The following UBE2F variants were observed in gnomAD, a reference collection of about 807,000 sequenced individuals.
UBE2F encodes the protein ubiquitin conjugating enzyme E2 F (putative), also known as NEDD8-conjugating enzyme UBE2F.
A neutral mutation model predicts 29.6 loss-of-function variants in UBE2F; 5 were observed. That is an observed-to-expected ratio of 0.17 (90% confidence interval 0.09 to 0.36). The LOEUF is 0.36. Ranked by LOEUF, UBE2F falls within the 10% of genes least tolerant of loss-of-function variation. UBE2F has a pLI of 1.00. For missense variants in UBE2F, 141 were observed against 228.5 expected (o/e 0.62, Z 2.47); for synonymous variants, 66 against 81.8 (o/e 0.81, Z 1.04).
At chr2:238,016,675 G>A (rs1216184001) in intron 5 of UBE2F, 42 bp downstream of exon 5, 4 of 1,580,074 alleles carry the variant, frequency 2.5e-6, no homozygotes, top group Non-Finnish European at 3.4e-6. Context: ...CTTCTCGGGC[G>A]GGGCTGCCTG....
In UBE2F at chr2:237,973,159, C is replaced by G. The variant is rs764060906; in HGVS notation, c.52C>G (p.Arg18Gly). The change falls in exon 2 of 10, where the codon CGG becomes GGG. Residue 18 changes from arginine (R) to glycine (G), a missense_variant. Transcript: ENST00000272930. Reference sequence around the variant, plus strand: ...GCGTGACGATGGTCTCAAAGGGTCCCGGACGGCAGCCACAGCGTCCGACTC... The same window carrying G: ...GCGTGACGATGGTCTCAAAGGGTCCGGGACGGCAGCCACAGCGTCCGACTC... ...LKRDDGLKGS[R>G]TAATASDSTR... is the part of the protein sequence containing the mutation. 6.2e-7 allele frequency: 1 copy of G among 1,614,030 alleles called. No homozygotes were observed. The highest frequency in any genetic ancestry group is 8.5e-7 in the Non-Finnish European group (1 of 1,179,954).
intron 3 of UBE2F, chr2:237,990,377 A>G (rs1177557231): frequency 6.6e-6 from 3 of 453,328 alleles, no homozygotes; most frequent in South Asian, 4.8e-5. Flanking sequence ...CAGGCCCCCA[A>G]CTTGAGCCTG....
intron 4 of UBE2F, among the ~76,000 whole-genome samples, chr2:237,997,469 C>T (rs753718943): frequency 2.0e-5 from 3 of 152,018 alleles, no homozygotes; most frequent in Non-Finnish European, 2.9e-5. Flanking sequence ...GAAAAACTTG[C>T]TTCATATCAT....
intron 1 of UBE2F, among the ~76,000 whole-genome samples, chr2:237,969,615 T>C (rs916503308): frequency 3.3e-5 from 5 of 152,182 alleles, no homozygotes; most frequent in Non-Finnish European, 5.9e-5. Flanking sequence ...TGGTCCATTA[T>C]TGGGTGACTC....
chr2:238,042,602 G>T lies in UBE2F; in HGVS notation c.*1264G>T, dbSNP rs1205010730. The T allele has an allele frequency of 1.3e-5, 2 of 152,220 alleles. No individual in the cohort carries two copies. Among genetic ancestry groups the T allele is most frequent in the African/African-American group, 4.8e-5 (2 of 41,458 alleles). The allele number at this position is 152,220 out of a possible 1,614,324, so 9.4% of individuals were successfully genotyped here. On this transcript the variant is annotated 3_prime_UTR_variant, in exon 10 of 10. Transcript: ENST00000272930. The stretch of plus-strand genomic sequence containing the variant: ...AAATGTCTGTCTAGTTTCATTTGCT[G>T]CCTGCCTAACACTCTCAAACTTAAC...
At chr2:238,030,863 A>G (rs560817250) in intron 7 of UBE2F, among the ~76,000 whole-genome samples, 12 of 152,344 alleles carry the variant, frequency 7.9e-5, no homozygotes, top group African/African-American at 2.9e-4. Flanking sequence ...TAGGAGCCCA[A>G]ACTGCAGGCT....
At chr2:238,002,218 C>T (rs758741961) in intron 4 of UBE2F, among the ~76,000 whole-genome samples, 1 of 127,244 alleles carries the variant, frequency 7.9e-6, no homozygotes, top group Non-Finnish European at 1.7e-5. Flanking sequence ...GCATGCGCCA[C>T]CACACCCAGA....
intron 1 of UBE2F, among the ~76,000 whole-genome samples, chr2:237,968,596 C>T (rs1394357374): frequency 6.6e-6 from 1 of 152,192 alleles, no homozygotes; most frequent in African/African-American, 2.4e-5. Context: ...TGTCCCTGCA[C>T]AAGTGACATG....
intron 2 of UBE2F, among the ~76,000 whole-genome samples, chr2:237,987,257 T>G (rs1047277740): frequency 2.6e-5 from 4 of 152,276 alleles, no homozygotes; most frequent in Non-Finnish European, 4.4e-5. Flanking sequence ...GGTGTGTGTG[T>G]GGGGAAGGGC....
At chr2:238,005,562 G>A (rs2063882515) in intron 4 of UBE2F, among the ~76,000 whole-genome samples, 1 of 151,216 alleles carries the variant, frequency 6.6e-6, no homozygotes, top group African/African-American at 2.4e-5. Context: ...TCCAGTTTGA[G>A]TTAATTTTCA....
At chr2:237,997,019 C>T (rs981754234) in intron 4 of UBE2F, among the ~76,000 whole-genome samples, 4 of 152,010 alleles carry the variant, frequency 2.6e-5, no homozygotes, top group Non-Finnish European at 5.9e-5. Context: ...GTCAGGAGTT[C>T]GAGACCAGCC....
chr2:237,999,509 A>G (rs2063750980), intron 4 of UBE2F, among the ~76,000 whole-genome samples: 2 of 152,162 alleles, frequency 1.3e-5, no homozygotes, highest in Non-Finnish European at 1.5e-5. Context: ...TTAGGATGGT[A>G]GGTTTTATGT....
At chr2:238,018,421 C>T (rs907857606) in intron 5 of UBE2F, among the ~76,000 whole-genome samples, 2 of 152,114 alleles carry the variant, frequency 1.3e-5, no homozygotes, top group African/African-American at 4.8e-5. Context: ...CATCTAGGAG[C>T]AGAGCTCCTT....
At chr2:238,025,867 C>T (rs2064414850) in intron 6 of UBE2F, among the ~76,000 whole-genome samples, 1 of 152,222 alleles carries the variant, frequency 6.6e-6, no homozygotes, top group South Asian at 2.1e-4. Flanking sequence ...CCAAAATGGT[C>T]CTGATAGATG....
At chr2:237,979,100 G>T (rs2063335535) in intron 2 of UBE2F, among the ~76,000 whole-genome samples, 1 of 152,210 alleles carries the variant, frequency 6.6e-6, no homozygotes, top group African/African-American at 2.4e-5. Context: ...GCCTGTGTCA[G>T]TCTTTGTTAA....
intron 9 of UBE2F, among the ~76,000 whole-genome samples, chr2:238,036,311 C>T (rs1161326105): frequency 6.6e-6 from 1 of 152,088 alleles, no homozygotes; most frequent in African/African-American, 2.4e-5. Flanking sequence ...GTAGCTAGGA[C>T]TACAGGTGCA....
chr2:237,967,131 A>C lies in UBE2F; in HGVS notation c.-18A>C. The stretch of plus-strand genomic sequence containing the variant: ...CCGCCTCGCCTGTCTCGGGGAGCCC[A>C]GGTGAGGAGCGACCGTGCGGCTCTG... On this transcript the variant is annotated splice_region_variant and 5_prime_UTR_variant, in exon 1 of 10. Transcript: ENST00000272930. The surrounding 1 kb of genome is among the most constrained non-coding windows in gnomAD (Gnocchi z 6.3). 2.3e-6 allele frequency: 3 copies of C among 1,306,196 alleles called. No homozygotes were observed. Among genetic ancestry groups the C allele is most frequent in the South Asian group, 2.0e-5 (1 of 50,394 alleles). The allele number at this position is 1,306,196 out of a possible 1,614,324, so 80.9% of individuals were successfully genotyped here.
At chr2:238,016,477 T>G (rs1387234187) in intron 4 of UBE2F, 89 bp from the exon 5 acceptor site, 1 of 1,125,828 alleles carries the variant, frequency 8.9e-7, no homozygotes, top group Non-Finnish European at 1.3e-6. Context: ...TTCTCTGTAT[T>G]TGCCATATCC....
chr2:238,030,548 T>G lies in UBE2F; in HGVS notation c.354-8T>G. On this transcript the variant is annotated splice_region_variant and splice_polypyrimidine_tract_variant and intron_variant, in intron 6 of 9. Coordinates refer to ENST00000272930, the MANE Select transcript of UBE2F (RefSeq NM_080678.3). The stretch of plus-strand genomic sequence containing the variant: ...CCTCACTAACCACTGTGTGTTTGTC[T>G]TTTTCAGTTTATTGAGAGAACATTC... 6.2e-7 allele frequency: 1 copy of G among 1,611,796 alleles called. No individual in the cohort carries two copies. Among genetic ancestry groups the G allele is most frequent in the Non-Finnish European group, 8.5e-7 (1 of 1,178,362 alleles).
Sources: gnomAD v4.1 joint callset for allele counts (sites outside exome capture counted in the v4.1 genomes callset) on GRCh38, gnomAD v4.1.1 for gene constraint, Gnocchi (gnomAD v3.1) non-coding constraint, MANE v1.5 for transcripts, NCBI Gene and HGNC (gene_info 2026-07-23, HGNC 2026-07-21) for gene names.